PCNT: variants seen among roughly 807,000 people sequenced by gnomAD.
PCNT encodes the protein kendrin.
PCNT carries 319 observed loss-of-function variants against 380.4 expected under a neutral mutation model. The observed-to-expected ratio is 0.84, with a 90% CI of 0.77 to 0.92. The LOEUF is 0.92. Ranked by LOEUF, PCNT falls within the 40% of genes least tolerant of loss-of-function variation. The pLI is 0.00. For missense variants in PCNT, 4,400 were observed against 4,255.3 expected, an observed-to-expected ratio of 1.03 and a Z score of -0.95; for synonymous variants, 1,845 against 1,735.2, an observed-to-expected ratio of 1.06 and a Z score of -1.57.
At chr21:46,384,721 C>T (rs538447314) in intron 16 of PCNT, among the ~76,000 whole-genome samples, 34 of 140,374 alleles carry the variant, frequency 2.4e-4, no homozygotes, top group South Asian at 4.3e-4. Flanking sequence ...GCGGCGGAAA[C>T]ACATTCATGG....
In PCNT at chr21:46,381,730, G is replaced by A; in HGVS notation, c.3202G>A (p.Glu1068Lys). 6.2e-7 allele frequency: 1 copy of A among 1,614,140 alleles called. No individual in the cohort carries two copies. Among genetic ancestry groups the A allele is most frequent in the Non-Finnish European group, 8.5e-7 (1 of 1,179,956 alleles). ...FGSEKKTALH[E>K]KEETLRLQSA... Reference sequence around the variant, plus strand: ...AAGTGAAAAGAAAACTGCTTTGCATGAAAAAGAGGAGACACTTCGGCTTCA... The same window carrying A: ...AAGTGAAAAGAAAACTGCTTTGCATAAAAAAGAGGAGACACTTCGGCTTCA... Residue 1068 changes from glutamate to lysine, a missense_variant, in exon 16 of 47, where the codon GAA (glutamate) becomes AAA (lysine). Physicochemically the swap from Glu to Lys is moderately conservative, Grantham distance 56 (BLOSUM62 1). Transcript: ENST00000359568.
At chr21:46,384,731 GTGT>G (rs1370043713) in intron 16 of PCNT, among the ~76,000 whole-genome samples, 3 of 141,598 alleles carry the variant, frequency 2.1e-5, no homozygotes, top group African/African-American at 7.6e-5. Flanking sequence ...CACATTCATG[GTGT>G]TGTGCGTTGA....
chr21:46,420,075 C>T (rs1432455967), intron 31 of PCNT, among the ~76,000 whole-genome samples: 3 of 152,284 alleles, frequency 2.0e-5, no homozygotes, highest in Middle Eastern at 6.8e-3. Flanking sequence ...GCCTCTGTGC[C>T]CGCGCCCTCC....
intron 32 of PCNT, among the ~76,000 whole-genome samples, chr21:46,424,523 G>T (rs550425008): frequency 6.6e-6 from 1 of 152,242 alleles, no homozygotes; most frequent in South Asian, 2.1e-4. Context: ...CTGGCGGGAA[G>T]CTGTGGCCCA....
intron 15 of PCNT, among the ~76,000 whole-genome samples, chr21:46,373,602 A>T (rs1348337873): frequency 1.5e-5 from 2 of 133,838 alleles, no homozygotes; most frequent in Non-Finnish European, 3.1e-5. Flanking sequence ...TAATATTTGT[A>T]TTTTTAGTAG....
Position 46,397,477 on chromosome 21 carries a change from C to A in PCNT, c.4429C>A (p.Gln1477Lys). The change falls in exon 22 of 47, where the codon CAG (glutamine) becomes AAG (lysine). Residue 1477 changes from glutamine (Q) to lysine (K), a missense_variant. Physicochemically the swap from Gln to Lys is moderately conservative, Grantham distance 53 (BLOSUM62 1). Coordinates refer to ENST00000359568, the MANE Select transcript of PCNT (RefSeq NM_006031.6). ...ATCTCTGGACAAGCATTTGCGCAAC[C>A]AGCGGCAATTCATGGATGTAAGAAT... ...VASLDKHLRNQRQFMDEQAAE... is the reference protein window; with the variant it reads ...VASLDKHLRNKRQFMDEQAAE... 1 of 1,613,920 alleles carries A rather than the reference C, an allele frequency of 6.2e-7. No individual in the cohort carries two copies. The highest frequency in any genetic ancestry group is 8.5e-7 in the Non-Finnish European group (1 of 1,179,798).
chr21:46,403,742 T>A (rs2086524903), intron 27 of PCNT, among the ~76,000 whole-genome samples: 1 of 130,062 alleles, frequency 7.7e-6, no homozygotes, highest in African/African-American at 3.1e-5. Context: ...AGTGTGTGTT[T>A]GGTGCCCACG....
chr21:46,353,550 C>G lies in PCNT; in HGVS notation c.1679+224C>G, dbSNP rs115924763. Among the ~76,000 whole-genome samples the G allele has an allele frequency of 0.011, 1,718 of 152,090 alleles. 34 individuals are homozygous for G. The highest frequency in any genetic ancestry group is 0.039 in the African/African-American group (1,628 of 41,474). ...GGTGGCCACACTCTGTCCAGGCCTG[C>G]GTGCACATGTTGGTGGTGGACACGC... On this transcript the variant is annotated intron_variant, in intron 10 of 46. Transcript: ENST00000359568.
intron 1 of PCNT, chr21:46,324,818 C>T (rs1185277750): frequency 2.1e-6 from 2 of 931,944 alleles, no homozygotes; most frequent in Non-Finnish European, 2.6e-6. Flanking sequence ...GCGCGGGTGG[C>T]CTGCAGCGCC....
Position 46,354,037 on chromosome 21 carries a change from A to C in PCNT, c.1730A>C (p.His577Pro), listed in dbSNP as rs756469674. The part of the protein sequence containing the change: ...EEKPEKGRKD[H>P]VDELEPERHK... ...AAACCTGAGAAAGGAAGAAAAGATC[A>C]CGTTGATGAACTCGAGCCTGAGCGA... Residue 577 changes from histidine (H) to proline (P), a missense_variant, in exon 11 of 47, where the codon CAC becomes CCC. Physicochemically the swap from His to Pro is moderately conservative, Grantham distance 77. Coordinates refer to ENST00000359568, the MANE Select transcript of PCNT (RefSeq NM_006031.6). The C allele has an allele frequency of 3.7e-6, 6 of 1,614,012 alleles. No individual in the cohort carries two copies. The highest frequency in any genetic ancestry group is 1.7e-5 in the Admixed American group (1 of 60,006).
At position 46,436,040 on chromosome 21, in the gene PCNT, C is replaced by G. The variant is rs374903045; in HGVS notation, c.8888C>G (p.Ser2963Trp). ...HLGSARRAAG[S>W]DADHLREQQR... ...GGTTCTGCCCGCAGGGCTGCCGGCT[C>G]GGATGCGGACCACCTCCGGGAACAG... The change falls in exon 39 of 47, where the codon TCG becomes TGG. Residue 2963 changes from serine to tryptophan, a missense_variant. Ser to Trp is a radical substitution (Grantham distance 177, BLOSUM62 -3). Coordinates refer to ENST00000359568, the MANE Select transcript of PCNT (RefSeq NM_006031.6). 3.1e-6 allele frequency: 5 copies of G among 1,613,856 alleles called. No homozygotes were observed. The highest frequency in any genetic ancestry group is 8.5e-7 in the Non-Finnish European group (1 of 1,179,976).
intron 27 of PCNT, among the ~76,000 whole-genome samples, chr21:46,406,454 C>CTTT (rs2086625457): frequency 6.6e-6 from 1 of 152,146 alleles, no homozygotes; most frequent in Admixed American, 6.5e-5. Flanking sequence ...ACACATACAC[C>CTTT]TTTTGTATGT....
chr21:46,339,770 A>G (rs1453830272), intron 3 of PCNT, among the ~76,000 whole-genome samples: 1 of 152,198 alleles, frequency 6.6e-6, no homozygotes, highest in Non-Finnish European at 1.5e-5. Context: ...TTCAGGGACA[A>G]TACTTTGTAT....
At chr21:46,334,286 A>G (rs2083658254) in intron 2 of PCNT, 111 bp from the exon 3 acceptor site, 2 of 1,440,856 alleles carry the variant, frequency 1.4e-6, no homozygotes, top group Non-Finnish European at 9.8e-7. Flanking sequence ...AGTGAGCTCT[A>G]CTTGTTAAAT....
In PCNT at chr21:46,427,749, G is replaced by C; in HGVS notation, c.7448G>C (p.Gly2483Ala). The change falls in exon 34 of 47, where the codon GGT becomes GCT. Residue 2483 changes from glycine to alanine, a missense_variant. Transcript: ENST00000359568. ...QPRLSGSDLG[G>A]HSSLLERLEK... Reference sequence around the variant, plus strand: ...CGACTCAGTGGCTCAGATCTGGGGGGTCACAGCTCCCTGCTCGAAAGGCTG... The same window carrying C: ...CGACTCAGTGGCTCAGATCTGGGGGCTCACAGCTCCCTGCTCGAAAGGCTG... 1 of 1,613,792 alleles carries C rather than the reference G, an allele frequency of 6.2e-7. No homozygotes were observed. The highest frequency in any genetic ancestry group is 8.5e-7 in the Non-Finnish European group (1 of 1,180,034).
rs1408476366 is a variant in PCNT, at chr21:46,367,132, T to C, written c.3158T>C (p.Val1053Ala). 4 of 1,612,130 alleles carry C rather than the reference T, an allele frequency of 2.5e-6. No homozygotes were observed. Among genetic ancestry groups the C allele is most frequent in the African/African-American group, 1.3e-5 (1 of 74,880 alleles). ...AGTVAHELQGVHQGEFGSEKK... is the reference protein window; with the variant it reads ...AGTVAHELQGAHQGEFGSEKK... ...ACCGTGGCTCACGAGCTGCAGGGAG[T>C]GCACCAGGTAAGGCGCCAGGGCCCT... Residue 1053 changes from valine to alanine, a missense_variant, in exon 15 of 47, where the codon GTG becomes GCG. Coordinates refer to ENST00000359568, the MANE Select transcript of PCNT (RefSeq NM_006031.6).
chr21:46,382,685 G>A (rs1451471849), intron 16 of PCNT, among the ~76,000 whole-genome samples: 17 of 140,840 alleles, frequency 1.2e-4, no homozygotes, highest in African/African-American at 2.4e-4. Context: ...GTTCAGTGGC[G>A]GAAGCGCATT....
intron 13 of PCNT, among the ~76,000 whole-genome samples, chr21:46,359,211 C>G (rs1396200684): frequency 6.6e-6 from 1 of 150,612 alleles, no homozygotes; most frequent in Non-Finnish European, 1.5e-5. Context: ...CCTTGGCCTC[C>G]CAAAGTGTTG....
chr21:46,363,439 A>G (rs546530411), intron 13 of PCNT, 41 bp from the exon 14 acceptor site: 45 of 1,525,104 alleles, frequency 3.0e-5, no homozygotes, highest in East Asian at 2.3e-4. Context: ...AATCTCTTCC[A>G]TTAGCGTCTT....
Sources: allele counts gnomAD v4.1 joint callset (sites outside exome capture counted in the v4.1 genomes callset), GRCh38; gene constraint gnomAD v4.1.1; transcripts MANE v1.5; gene names NCBI Gene and HGNC (gene_info 2026-07-23, HGNC 2026-07-21).